The following ZNF385C variants were observed in gnomAD, a reference collection of about 807,000 sequenced individuals.
ZNF385C encodes the protein CTD-2132N18.2.
Under a neutral mutation model 35.4 loss-of-function variants are expected in ZNF385C, and 28 were observed. The observed-to-expected ratio is 0.79, with a 90% CI of 0.59 to 1.08. The LOEUF (loss-of-function observed/expected upper bound fraction) is 1.08, where lower values mean the gene tolerates loss of function less well. ZNF385C is among the 50% of genes least tolerant of loss of function. ZNF385C has a pLI of 0.00. For synonymous variants in ZNF385C, 248 were observed against 248.2 expected (o/e 1.00, Z 0.01); for missense variants, 605 against 595.6 (o/e 1.02, Z -0.16).
intron 2 of ZNF385C, among the ~76,000 whole-genome samples, chr17:42,045,968 A>G (rs781949191): frequency 1.3e-5 from 2 of 152,098 alleles, no homozygotes; most frequent in Non-Finnish European, 2.9e-5. Flanking sequence ...GTAGACACCA[A>G]GCTGTTACTT....
intron 2 of ZNF385C, among the ~76,000 whole-genome samples, chr17:42,054,261 G>A (rs1208545858): frequency 2.0e-5 from 3 of 152,248 alleles, no homozygotes; most frequent in African/African-American, 4.8e-5. Context: ...AGGGAAGGAG[G>A]AGCTGCTGGT....
chr17:42,044,531 G>A (rs2053107704), intron 2 of ZNF385C, among the ~76,000 whole-genome samples: 1 of 151,574 alleles, frequency 6.6e-6, no homozygotes, highest in Non-Finnish European at 1.5e-5. Context: ...CAGGAGAATC[G>A]CTTGAACCCG....
At position 42,039,804 on chromosome 17, in the gene ZNF385C, T is replaced by A. The variant is rs2052962602; in HGVS notation, c.251-1919A>T. 9 of 1,232,108 alleles carry A rather than the reference T, an allele frequency of 7.3e-6. No individual in the cohort carries two copies. In the South Asian group the frequency reaches 3.3e-4, roughly 45 times the overall value. The allele number at this position is 1,232,108 out of a possible 1,614,324, so 76.3% of individuals were successfully genotyped here. On this transcript the variant is annotated intron_variant, in intron 2 of 8. Transcript: ENST00000692273. Reference sequence around the variant, plus strand: ...ACTCGTGCAGCGGGGGCCCATCCACTGCGATCTTCACCATGTGGCCCCCCC... The same window carrying A: ...ACTCGTGCAGCGGGGGCCCATCCACAGCGATCTTCACCATGTGGCCCCCCC...
rs1555655683 is a variant in ZNF385C, at chr17:42,038,140, A to C, written c.251-255T>G. 4 of 1,440,706 alleles carry C rather than the reference A, an allele frequency of 2.8e-6. No homozygotes were observed. The African/African-American group carries it at 4.2e-5, about 15-fold the overall frequency. 89.2% of individuals were successfully genotyped at this position (1,440,706 alleles called of 1,614,324 possible). A position where few individuals can be genotyped will look rare whatever the true frequency, so the allele number is the denominator to read the frequency against. ...AGGGATGACCCTCCTGCCCCTACTGAGGCAGCATACTGAACCCCAGGGCAG... is the reference window on the plus strand; with the variant it reads ...AGGGATGACCCTCCTGCCCCTACTGCGGCAGCATACTGAACCCCAGGGCAG... On this transcript the variant is annotated intron_variant, in intron 2 of 8. Transcript: ENST00000692273.
At position 42,036,802 on chromosome 17, in the gene ZNF385C, C is replaced by G. The variant is rs952148393; in HGVS notation, c.399+935G>C. Among the ~76,000 whole-genome samples, 7 of 152,206 alleles carry G rather than the reference C, an allele frequency of 4.6e-5. No individual in the cohort carries two copies. In the South Asian group the frequency reaches 6.2e-4, roughly 14 times the overall value. On this transcript the variant is annotated intron_variant, in intron 3 of 8. Transcript: ENST00000692273. ...GGACTCAAGACCAGAGGACCACCCC[C>G]CAAATGCCTCAGACTCCTTAGGACC...
rs145565025 is a variant in ZNF385C, at chr17:42,027,966, C to G, written c.1164+84G>C. 5.3e-3 allele frequency: 8,025 copies of G among 1,520,480 alleles called. 31 individuals are homozygous for G. The highest frequency in any genetic ancestry group is 7.3e-3 in the Middle Eastern group (39 of 5,354). The allele number at this position is 1,520,480 out of a possible 1,614,324, so 94.2% of individuals were successfully genotyped here. On this transcript the variant is annotated intron_variant, in intron 7 of 8. Coordinates refer to ENST00000692273, the MANE Select transcript of ZNF385C (RefSeq NM_001392013.1). ...CCTGCTCTGCTGTGCCCTGCCTGCT[C>G]TCTTCAGGGTCCCTCCCTCTGCTGC...
chr17:42,091,115 C>T (rs538702392), intron 1 of ZNF385C, among the ~76,000 whole-genome samples: 170 of 152,176 alleles, frequency 1.1e-3, no homozygotes, highest in African/African-American at 3.9e-3. Context: ...TCCAAGGAAG[C>T]CCATTTCAGT....
chr17:42,063,460 G>T (rs779449201), intron 1 of ZNF385C, among the ~76,000 whole-genome samples: 4 of 152,156 alleles, frequency 2.6e-5, no homozygotes, highest in Non-Finnish European at 5.9e-5. Flanking sequence ...CCCGGGAGGC[G>T]GAGGTTGCAG....
At chr17:42,094,242 C>T (rs942768037) in intron 1 of ZNF385C, among the ~76,000 whole-genome samples, 1 of 152,216 alleles carries the variant, frequency 6.6e-6, no homozygotes, top group South Asian at 2.1e-4. Context: ...CTCAGCCTCC[C>T]AAAGTGCTAG....
chr17:42,028,830 C>G lies in ZNF385C; in HGVS notation c.920G>C (p.Cys307Ser), dbSNP rs1555654640. The change falls in exon 6 of 9, where the codon TGT becomes TCT. Residue 307 changes from cysteine (C) to serine (S), a missense_variant. Coordinates refer to ENST00000692273, the MANE Select transcript of ZNF385C (RefSeq NM_001392013.1). ...GGAGGCCGAGTTCACTGTCACCTTA[C>G]ACGTGGGGCAGTAGAGGTGCCCCTT... The part of the protein sequence containing the change: ...SEKGHLYCPT[C>S]KVTVNSASQL... 7 of 1,550,604 alleles carry G rather than the reference C, an allele frequency of 4.5e-6. No individual in the cohort carries two copies. In the South Asian group the frequency reaches 7.1e-5, roughly 16 times the overall value.
intron 6 of ZNF385C, 138 bp from the exon 7 acceptor site, chr17:42,028,384 C>T (rs782247025): frequency 9.2e-5 from 81 of 880,580 alleles, no homozygotes; most frequent in Admixed American, 6.6e-4. Context: ...TCCAGCCACA[C>T]GTGGTTTCCC....
At position 42,036,270 on chromosome 17, in the gene ZNF385C, A is replaced by T. The variant is rs2052853882; in HGVS notation, c.399+1467T>A. 2.0e-5 allele frequency among the ~76,000 whole-genome samples: 3 copies of T among 151,940 alleles called. No individual in the cohort carries two copies. In the South Asian group the frequency reaches 6.3e-4, roughly 32 times the overall value. On this transcript the variant is annotated intron_variant, in intron 3 of 8. Transcript: ENST00000692273. ...CACCTCAGCCTCCCAAAGTGCTGGG[A>T]TGACAGGCATGAGCCACTGCACCTA...
At chr17:42,035,982 T>A (rs944765837) in intron 3 of ZNF385C, among the ~76,000 whole-genome samples, 2 of 151,760 alleles carry the variant, frequency 1.3e-5, no homozygotes, top group Admixed American at 6.6e-5. Flanking sequence ...AATATTAATT[T>A]GGATTTTTTT....
chr17:42,034,446 G>A, intron 3 of ZNF385C, 111 bp from the exon 4 acceptor site: 1 of 722,064 alleles, frequency 1.4e-6, no homozygotes, highest in Non-Finnish European at 2.3e-6. Context: ...GCCTTGGTCA[G>A]CTTCTAGGAA....
At chr17:42,096,991 A>AC (rs2053924914) in intron 1 of ZNF385C, among the ~76,000 whole-genome samples, 1 of 150,990 alleles carries the variant, frequency 6.6e-6, no homozygotes, top group African/African-American at 2.4e-5. Flanking sequence ...AAAAAAAAAA[A>AC]AAACCCTTCC....
Position 42,028,811 on chromosome 17 carries a change from C to T in ZNF385C, c.939G>A (p.Ser313=), listed in dbSNP as rs782176012. The change falls in exon 6 of 9, where the codon TCG becomes TCA. Residue 313 remains serine, a synonymous_variant. Coordinates refer to ENST00000692273, the MANE Select transcript of ZNF385C (RefSeq NM_001392013.1). ...YCPTCKVTVN[S]ASQLQAHNTG... ...TGTTGTGAGCCTGAAGCTGGGAGGCCGAGTTCACTGTCACCTTACACGTGG... is the reference window on the plus strand; with the variant it reads ...TGTTGTGAGCCTGAAGCTGGGAGGCTGAGTTCACTGTCACCTTACACGTGG... 2.9e-5 allele frequency: 45 copies of T among 1,550,232 alleles called. No homozygotes were observed. The highest frequency in any genetic ancestry group is 3.7e-5 in the Non-Finnish European group (43 of 1,146,778).
intron 1 of ZNF385C, among the ~76,000 whole-genome samples, chr17:42,075,239 G>C (rs191116284): frequency 1.3e-5 from 2 of 152,170 alleles, no homozygotes; most frequent in East Asian, 3.9e-4. Flanking sequence ...TGTGCTCCCA[G>C]GGCACCTTGT....
intron 3 of ZNF385C, among the ~76,000 whole-genome samples, chr17:42,037,435 C>T (rs1186524982): frequency 6.6e-6 from 1 of 151,694 alleles, no homozygotes; most frequent in African/African-American, 2.4e-5. Flanking sequence ...TCCACAGGAG[C>T]GCCTACACAG....
intron 5 of ZNF385C, among the ~76,000 whole-genome samples, chr17:42,029,788 C>A (rs965736299): frequency 2.6e-5 from 4 of 152,168 alleles, no homozygotes; most frequent in Non-Finnish European, 5.9e-5. Flanking sequence ...GATCCCAACA[C>A]TTTGGGAGGC....
Sources: allele counts gnomAD v4.1 joint callset (sites outside exome capture counted in the v4.1 genomes callset), GRCh38; gene constraint gnomAD v4.1.1; transcripts MANE v1.5; gene names NCBI Gene and HGNC (gene_info 2026-07-23, HGNC 2026-07-21).